Variants in SGMS2 observed in about 807,000 individuals in gnomAD.
SGMS2 encodes the protein phosphatidylcholine:ceramide cholinephosphotransferase 2.
A neutral mutation model predicts 43.8 loss-of-function variants in SGMS2; 21 were observed. The ratio of observed to expected loss-of-function variants is 0.48; its 90% CI spans 0.34 to 0.69. The LOEUF (loss-of-function observed/expected upper bound fraction) is 0.69, where lower values mean the gene tolerates loss of function less well. Among genes scored for constraint, SGMS2 ranks in the 30% least tolerant of loss-of-function variants. The pLI, the probability that SGMS2 is intolerant of heterozygous loss-of-function variation, is 0.01. For missense variants in SGMS2, 384 were observed against 443.2 expected (o/e 0.87, Z 1.20); for synonymous variants, 167 against 160.6 (o/e 1.04, Z -0.30).
chr4:107,837,796 T>A (rs574398227), intron 1 of SGMS2, among the ~76,000 whole-genome samples: 2 of 151,830 alleles, frequency 1.3e-5, no homozygotes, highest in South Asian at 4.2e-4. Context: ...AGATCGAGAA[T>A]GTTGGATGGG....
intron 2 of SGMS2, among the ~76,000 whole-genome samples, chr4:107,860,459 T>G (rs960147657): frequency 1.2e-4 from 18 of 152,122 alleles, no homozygotes; most frequent in African/African-American, 4.3e-4. Context: ...AAAGTAGAAT[T>G]GCAGGTCATA....
Position 107,911,972 on chromosome 4 carries a change from TG to T in SGMS2, c.*1423del, listed in dbSNP as rs1306432040. 3 of 152,156 alleles carry T rather than the reference TG, an allele frequency of 2.0e-5. No individual in the cohort carries two copies. In the East Asian group the frequency reaches 5.8e-4, roughly 29 times the overall value. 9.4% of individuals were successfully genotyped at this position (152,156 alleles called of 1,614,324 possible). A position where few individuals can be genotyped will look rare whatever the true frequency, so the allele number is the denominator to read the frequency against. On this transcript the variant is annotated 3_prime_UTR_variant, in exon 7 of 7. Coordinates refer to ENST00000690982, the MANE Select transcript of SGMS2 (RefSeq NM_001375905.1). ...TTTAAGGTTGCAAAGTTATCAACAC[TG>T]GGGCAGAGGGTGGAGAGGCCAATGC... is the stretch of plus-strand genomic sequence containing the variant.
At chr4:107,894,763 G>C (rs1730522072) in intron 2 of SGMS2, among the ~76,000 whole-genome samples, 1 of 152,180 alleles carries the variant, frequency 6.6e-6, no homozygotes, top group South Asian at 2.1e-4. Context: ...AATCTTGAAT[G>C]TGTTGTTCTT....
intron 2 of SGMS2, among the ~76,000 whole-genome samples, chr4:107,879,273 T>C (rs1345781128): frequency 6.6e-6 from 1 of 152,154 alleles, no homozygotes; most frequent in African/African-American, 2.4e-5. Flanking sequence ...AACAGTTTGC[T>C]TTTCATTAGA....
At chr4:107,906,034 A>G (rs1731528839) in intron 5 of SGMS2, among the ~76,000 whole-genome samples, 1 of 152,218 alleles carries the variant, frequency 6.6e-6, no homozygotes, top group South Asian at 2.1e-4. Context: ...TCAGTTCTGT[A>G]TGTAAGCAGA....
Position 107,910,399 on chromosome 4 carries a change from T to C in SGMS2, c.944T>C (p.Phe315Ser). The change falls in exon 7 of 7, where the codon TTC becomes TCC. Residue 315 changes from phenylalanine to serine, a missense_variant. Coordinates refer to ENST00000690982, the MANE Select transcript of SGMS2 (RefSeq NM_001375905.1). ...AATTTCTTATCTCGAGCATGGTGGT[T>C]CCCCATCTTTTATTTTTTTGAGAAA... ...QTNFLSRAWWFPIFYFFEKNV... is the reference protein window; with the variant it reads ...QTNFLSRAWWSPIFYFFEKNV... 4.3e-6 allele frequency: 7 copies of C among 1,614,132 alleles called. No homozygotes were observed. Among genetic ancestry groups the C allele is most frequent in the Non-Finnish European group, 5.9e-6 (7 of 1,179,990 alleles).
At chr4:107,844,306 AGAGT>A (rs1273777145) in intron 1 of SGMS2, among the ~76,000 whole-genome samples, 1 of 151,836 alleles carries the variant, frequency 6.6e-6, no homozygotes, top group East Asian at 1.9e-4. Context: ...CCTGGGTGAC[AGAGT>A]GAGACTCTAT....
intron 1 of SGMS2, among the ~76,000 whole-genome samples, chr4:107,850,966 C>G (rs754014283): frequency 6.6e-5 from 10 of 152,132 alleles, no homozygotes; most frequent in Admixed American, 3.3e-4. Flanking sequence ...ATTCCTGGTA[C>G]TTTAATACTC....
intron 2 of SGMS2, among the ~76,000 whole-genome samples, chr4:107,865,272 G>GA (rs1220847656): frequency 6.6e-6 from 1 of 152,064 alleles, no homozygotes; most frequent in Non-Finnish European, 1.5e-5. Flanking sequence ...CTGCAACCCA[G>GA]AAAAAAATAC....
intron 1 of SGMS2, among the ~76,000 whole-genome samples, chr4:107,830,278 T>C (rs1249687153): frequency 6.6e-6 from 1 of 152,190 alleles, no homozygotes; most frequent in Non-Finnish European, 1.5e-5. Flanking sequence ...TCCAGTCCAC[T>C]GTTGGTGGGC....
At chr4:107,892,660 C>T (rs1339428929) in intron 2 of SGMS2, among the ~76,000 whole-genome samples, 1 of 151,936 alleles carries the variant, frequency 6.6e-6, no homozygotes, top group Non-Finnish European at 1.5e-5. Flanking sequence ...TGGTTCGGTC[C>T]GGAAAGGTGG....
chr4:107,857,552 A>ATATATG (rs1553929766), intron 1 of SGMS2, among the ~76,000 whole-genome samples: 10 of 150,600 alleles, frequency 6.6e-5, no homozygotes, highest in African/African-American at 2.5e-4. Context: ...ATATATATAT[A>ATATATG]TGCTACCAAA....
intron 1 of SGMS2, among the ~76,000 whole-genome samples, chr4:107,836,832 G>C (rs1308958155): frequency 6.6e-6 from 1 of 152,112 alleles, no homozygotes; most frequent in Non-Finnish European, 1.5e-5. Flanking sequence ...GAAGACCCAG[G>C]CATAGTAGAG....
At chr4:107,891,299 A>G (rs1297916922) in intron 2 of SGMS2, among the ~76,000 whole-genome samples, 1 of 134,624 alleles carries the variant, frequency 7.4e-6, no homozygotes, top group East Asian at 2.2e-4. Context: ...CAAGAAAAAG[A>G]GAAACAATAA....
chr4:107,843,381 T>G (rs898243346), intron 1 of SGMS2, among the ~76,000 whole-genome samples: 31 of 152,352 alleles, frequency 2.0e-4, no homozygotes, highest in African/African-American at 6.7e-4. Context: ...TATCCTGAAT[T>G]TAACAAATTA....
At chr4:107,835,564 C>T (rs924349870) in intron 1 of SGMS2, among the ~76,000 whole-genome samples, 2 of 152,192 alleles carry the variant, frequency 1.3e-5, no homozygotes, top group African/African-American at 2.4e-5. Context: ...TGAGCCCTGG[C>T]TCTGTGGGTG....
In SGMS2 at chr4:107,908,435, G is replaced by A. The variant is rs375495128; in HGVS notation, c.728-130G>A. 77 of 902,446 alleles carry A rather than the reference G, an allele frequency of 8.5e-5. 2 individuals carry two copies. In the African/African-American group the frequency reaches 1.2e-3, roughly 14 times the overall value. 55.9% of individuals were successfully genotyped at this position (902,446 alleles called of 1,614,324 possible). The stretch of plus-strand genomic sequence containing the variant: ...GGGCAGTTCATAGTGACTCAGTTTA[G>A]GTTATCAGTTTTATCCTTCTGGTGA... On this transcript the variant is annotated intron_variant, in intron 5 of 6. Transcript: ENST00000690982.
chr4:107,885,531 A>G (rs1578610899), intron 2 of SGMS2, among the ~76,000 whole-genome samples: 1 of 152,154 alleles, frequency 6.6e-6, no homozygotes, highest in African/African-American at 2.4e-5. Context: ...CTGCTTTCAT[A>G]TTCACTCCTA....
intron 2 of SGMS2, among the ~76,000 whole-genome samples, chr4:107,886,340 C>T (rs1578612880): frequency 6.7e-6 from 1 of 149,052 alleles, no homozygotes; most frequent in African/African-American, 2.5e-5. Flanking sequence ...GCTGGGACTA[C>T]AGGTGCACCA....
Sources: gnomAD v4.1 joint callset for allele counts (sites outside exome capture counted in the v4.1 genomes callset) on GRCh38, gnomAD v4.1.1 for gene constraint, MANE v1.5 for transcripts, NCBI Gene and HGNC (gene_info 2026-07-23, HGNC 2026-07-21) for gene names.